DCAF6: variants seen among roughly 807,000 people sequenced by gnomAD.
DCAF6 encodes the protein DDB1 and CUL4 associated factor 6.
A neutral mutation model predicts 125.1 loss-of-function variants in DCAF6; 54 were observed. The ratio of observed to expected loss-of-function variants is 0.43; its 90% CI spans 0.35 to 0.54. The LOEUF (loss-of-function observed/expected upper bound fraction) is 0.54. Ranked by LOEUF, DCAF6 falls within the 20% of genes least tolerant of loss-of-function variation. The pLI, the probability that DCAF6 is intolerant of heterozygous loss-of-function variation, is 0.01. For synonymous variants in DCAF6, 371 were observed against 390.4 expected (o/e 0.95, Z 0.58); for missense variants, 934 against 1,161.7 (o/e 0.80, Z 2.85).
the DCAF6 span, among the ~76,000 whole-genome samples, chr1:167,926,389 T>C: frequency 0.04 from 6,123 of 152,352 alleles, 177 homozygotes; most frequent in Non-Finnish European, 0.053. Context: ...CCACATCTTT[T>C]TCTCTCTACA....
chr1:167,877,262 C>A, the DCAF6 span, among the ~76,000 whole-genome samples: 1 of 147,006 alleles, frequency 6.8e-6, no homozygotes, highest in Non-Finnish European at 1.5e-5. Context: ...AATATTAAGA[C>A]TGGATTATAT....
intron 10 of DCAF6, among the ~76,000 whole-genome samples, chr1:168,012,966 T>C (rs965439373): frequency 5.9e-5 from 9 of 152,298 alleles, no homozygotes; most frequent in African/African-American, 2.2e-4. Flanking sequence ...GGTAACTCAA[T>C]AGAGAGGGTT....
the DCAF6 span, among the ~76,000 whole-genome samples, chr1:167,896,963 A>T: frequency 1.9e-4 from 29 of 152,272 alleles, no homozygotes; most frequent in Non-Finnish European, 3.1e-4. Flanking sequence ...CTGCCCTTAG[A>T]ACTTTTTCCT....
intron 20 of DCAF6, 70 bp from the exon 21 acceptor site, chr1:168,068,288 T>A: frequency 4.7e-6 from 5 of 1,052,762 alleles, no homozygotes; most frequent in Non-Finnish European, 7.3e-6. Context: ...TGTTTACGGT[T>A]TGCCTGATCT....
the DCAF6 span, among the ~76,000 whole-genome samples, chr1:167,924,912 G>C: frequency 6.6e-6 from 1 of 152,078 alleles, no homozygotes; most frequent in Non-Finnish European, 1.5e-5. Context: ...CCCCATTTTT[G>C]TGCATTTTGG....
the DCAF6 span, chr1:167,902,175 A>C: frequency 1.0e-6 from 1 of 992,294 alleles, no homozygotes; most frequent in African/African-American, 1.6e-5. Context: ...GAATAGGCTT[A>C]TACTAAAGAT....
At chr1:167,939,997 A>G (rs183958543) in intron 1 of DCAF6, among the ~76,000 whole-genome samples, 1 of 152,250 alleles carries the variant, frequency 6.6e-6, no homozygotes, top group East Asian at 1.9e-4. Flanking sequence ...TAAATAGTAA[A>G]ATTGGGATAG....
At chr1:167,951,399 A>T (rs981477156) in intron 1 of DCAF6, among the ~76,000 whole-genome samples, 14 of 152,136 alleles carry the variant, frequency 9.2e-5, no homozygotes, top group African/African-American at 3.1e-4. Context: ...ACATGATGAA[A>T]TCCTGTCTCT....
the DCAF6 span, among the ~76,000 whole-genome samples, chr1:167,871,751 T>A: frequency 1.3e-5 from 2 of 152,252 alleles, no homozygotes; most frequent in Non-Finnish European, 2.9e-5. Context: ...GTGCTTTGCT[T>A]GGTAATATAC....
chr1:167,991,710 C>T lies in DCAF6; in HGVS notation c.688+371C>T, dbSNP rs138400025. On this transcript the variant is annotated intron_variant, in intron 6 of 21. Coordinates refer to ENST00000367840, the MANE Select transcript of DCAF6 (RefSeq NM_001198956.2). Reference sequence around the variant, plus strand: ...CTCTGTTCGATGCCTTCTCCCCTAGCTCATGGTGGTTGCTGCCAATCCTTG... The same window carrying T: ...CTCTGTTCGATGCCTTCTCCCCTAGTTCATGGTGGTTGCTGCCAATCCTTG... 8.1e-4 allele frequency among the ~76,000 whole-genome samples: 123 copies of T among 152,294 alleles called. No individual in the cohort carries two copies. The East Asian group carries it at 0.019, about 24-fold the overall frequency.
upstream of DCAF6, among the ~76,000 whole-genome samples, chr1:167,931,843 C>T (rs1352594744): frequency 2.6e-5 from 4 of 152,034 alleles, no homozygotes; most frequent in African/African-American, 7.2e-5. Context: ...AACATTGGTT[C>T]ATTTAGTTTA....
At chr1:168,013,530 T>A (rs1441009220) in intron 10 of DCAF6, among the ~76,000 whole-genome samples, 1 of 152,208 alleles carries the variant, frequency 6.6e-6, no homozygotes, top group African/African-American at 2.4e-5. Context: ...TGCCTCCCTT[T>A]GATTATAATT....
At chr1:167,994,941 G>T (rs1444477976) in intron 7 of DCAF6, among the ~76,000 whole-genome samples, 1 of 151,928 alleles carries the variant, frequency 6.6e-6, no homozygotes, top group Admixed American at 6.6e-5. Flanking sequence ...ATAATTTCAG[G>T]TGTAGAGGGC....
the DCAF6 span, chr1:167,904,081 G>C: frequency 4.0e-6 from 2 of 501,780 alleles, no homozygotes; most frequent in Non-Finnish European, 6.8e-6. Context: ...GCGGGCCTCA[G>C]CTTTTTTTTT....
At chr1:168,042,771 C>T in intron 13 of DCAF6, 1 of 307,932 alleles carries the variant, frequency 3.2e-6, no homozygotes, top group Non-Finnish European at 6.0e-6. Context: ...GAAATACATA[C>T]TAGATAATGA....
chr1:168,052,884 G>A (rs1430673641), intron 17 of DCAF6, among the ~76,000 whole-genome samples: 1 of 152,100 alleles, frequency 6.6e-6, no homozygotes, highest in Non-Finnish European at 1.5e-5. Flanking sequence ...CATTGTTTAT[G>A]ATATAAAGAA....
At chr1:167,975,972 T>C (rs1678091493) in intron 4 of DCAF6, among the ~76,000 whole-genome samples, 1 of 152,220 alleles carries the variant, frequency 6.6e-6, no homozygotes, top group Admixed American at 6.5e-5. Context: ...AGTTCTTTTA[T>C]GTCCTCATGT....
the DCAF6 span, chr1:167,920,637 C>G: frequency 6.2e-7 from 1 of 1,609,140 alleles, no homozygotes; most frequent in Non-Finnish European, 8.5e-7. Context: ...AACCCCTACA[C>G]ATTAACGCAT....
At chr1:167,876,227 A>C in the DCAF6 span, among the ~76,000 whole-genome samples, 184 of 149,942 alleles carry the variant, frequency 1.2e-3, 3 homozygotes, top group South Asian at 6.4e-4. Context: ...ATTGCATTCC[A>C]TCCTGGGCAA....
Sources: gnomAD v4.1 joint callset for allele counts (sites outside exome capture counted in the v4.1 genomes callset) on GRCh38, gnomAD v4.1.1 for gene constraint, MANE v1.5 for transcripts, NCBI Gene and HGNC (gene_info 2026-07-23, HGNC 2026-07-21) for gene names.